Variants in IQSEC3 observed in about 807,000 individuals in gnomAD.
IQSEC3 encodes IQ motif and SEC7 domain-containing protein 3.
In IQSEC3, 50 loss-of-function variants were observed where a neutral mutation model predicts 105.4. That is an observed-to-expected ratio of 0.47 (90% CI 0.38 to 0.60). The LOEUF (loss-of-function observed/expected upper bound fraction) is 0.60. Ranked by LOEUF, IQSEC3 falls within the 20% of genes least tolerant of loss-of-function variation. The pLI is 0.00. For missense variants in IQSEC3, 1,415 were observed against 1,630.0 expected (o/e 0.87, Z 2.27); for synonymous variants, 708 against 746.0 (o/e 0.95, Z 0.83).
In IQSEC3 at chr12:106,760, G is replaced by T. The variant is rs571622923; in HGVS notation, c.623+7546G>T. The T allele has an allele frequency of 9.8e-5, 15 of 152,302 alleles. No homozygotes were observed. In the South Asian group the frequency reaches 3.1e-3, roughly 32 times the overall value. The allele number at this position is 152,302 out of a possible 1,614,324, so 9.4% of individuals were successfully genotyped here. A position where few individuals can be genotyped will look rare whatever the true frequency, so the allele number is the denominator to read the frequency against. ...TCCAGGAAGAGTAACCTTTGTAGGCGTAGAGATTTTTCTAATCCCACTATT... is the reference window on the plus strand; with the variant it reads ...TCCAGGAAGAGTAACCTTTGTAGGCTTAGAGATTTTTCTAATCCCACTATT... On this transcript the variant is annotated intron_variant, in intron 2 of 13. Transcript: ENST00000538872.
chr12:149,451 T>A (rs898820656), intron 5 of IQSEC3, among the ~76,000 whole-genome samples: 3 of 152,096 alleles, frequency 2.0e-5, no homozygotes, highest in East Asian at 1.9e-4. Flanking sequence ...GGCTGAGTAA[T>A]CCTGGGCCGT....
At chr12:106,656 C>T (rs930571281) in intron 2 of IQSEC3, 1 of 152,310 alleles carries the variant, frequency 6.6e-6, no homozygotes, top group African/African-American at 2.4e-5. Context: ...GCAGTTTTAT[C>T]CAGTTTTCTG....
chr12:173,219 G>C (rs1555100881), intron 13 of IQSEC3, among the ~76,000 whole-genome samples: 1 of 152,222 alleles, frequency 6.6e-6, no homozygotes, highest in African/African-American at 2.4e-5. Context: ...GTCTTGGAAG[G>C]ACAGTGAGGG....
chr12:162,268 A>T (rs1477818627), intron 8 of IQSEC3, among the ~76,000 whole-genome samples: 1 of 150,846 alleles, frequency 6.6e-6, no homozygotes, highest in Non-Finnish European at 1.5e-5. Context: ...GCCACCCGAT[A>T]CTGCAGCAGG....
In IQSEC3 at chr12:169,014, G is replaced by A; in HGVS notation, c.2973G>A (p.Trp991Ter). ...VTELEQIRIE[W>*]ELEKQQGTKT... ...CTCACGGGCCTCTGCATTCCTTAGG[G>A]GAGCTGGAGAAGCAGCAGGGAACAA... Residue 991 changes from tryptophan to a stop codon, truncating the protein, a stop_gained and splice_region_variant, in exon 12 of 14, where the codon TGG becomes TGA. Coordinates refer to ENST00000538872, the MANE Select transcript of IQSEC3 (RefSeq NM_001170738.2). LOFTEE classifies it high-confidence loss of function. The A allele has an allele frequency of 6.2e-7, 1 of 1,613,890 alleles. No individual in the cohort carries two copies. The highest frequency in any genetic ancestry group is 8.5e-7 in the Non-Finnish European group (1 of 1,179,864).
chr12:162,035 G>C lies in IQSEC3; in HGVS notation c.2553G>C (p.Lys851Asn). The C allele has an allele frequency of 6.2e-7, 1 of 1,613,820 alleles. No homozygotes were observed. Residue 851 changes from lysine to asparagine, a missense_variant, in exon 8 of 14, where the codon AAG (lysine) becomes AAC (asparagine). By Grantham distance (94) the Lys-to-Asn change is moderately conservative. Around this residue, in one of 6 missense-constraint regions of IQSEC3, gnomAD observed 419 missense variants for 436.2 expected, o/e 0.96. Coordinates refer to ENST00000538872, the MANE Select transcript of IQSEC3 (RefSeq NM_001170738.2). ...SNEDHVTYVTKVEKSIVGMKT... is the reference protein window; with the variant it reads ...SNEDHVTYVTNVEKSIVGMKT... ...AGGACCACGTCACGTACGTCACCAAGGTGGAGAAGTCCATTGTGGGCATGA... is the reference window on the plus strand; with the variant it reads ...AGGACCACGTCACGTACGTCACCAACGTGGAGAAGTCCATTGTGGGCATGA...
chr12:125,938 G>A (rs1555083328), intron 3 of IQSEC3, 26 bp downstream of exon 3: 9 of 1,525,186 alleles, frequency 5.9e-6, no homozygotes, highest in South Asian at 1.2e-5. Flanking sequence ...TAGGGGGGCG[G>A]GGAGGGTGGT....
chr12:146,473 T>C lies in IQSEC3; in HGVS notation c.2153+5188T>C, dbSNP rs78974841. ...TCCAGCCTGGGCAAAAGAGACCTCA[T>C]CTCTACAAAAAAATTTTTTTTAAGT... On this transcript the variant is annotated intron_variant, in intron 5 of 13. Transcript: ENST00000538872. 3.9e-3 allele frequency among the ~76,000 whole-genome samples: 599 copies of C among 152,110 alleles called. 4 individuals are homozygous for C. Among genetic ancestry groups the C allele is most frequent in the African/African-American group, 0.014 (571 of 41,484 alleles).
intron 2 of IQSEC3, among the ~76,000 whole-genome samples, chr12:112,433 C>T (rs1396877626): frequency 1.3e-5 from 2 of 152,062 alleles, no homozygotes; most frequent in African/African-American, 4.8e-5. Context: ...TGGAAATGGC[C>T]CACTGTATAC....
At chr12:71,277 G>A (rs373139088) in intron 1 of IQSEC3, among the ~76,000 whole-genome samples, 1 of 152,276 alleles carries the variant, frequency 6.6e-6, no homozygotes, top group East Asian at 1.9e-4. Context: ...AAACTATTAA[G>A]AAAGAAAGTG....
intron 13 of IQSEC3, among the ~76,000 whole-genome samples, chr12:173,360 A>C (rs1939107947): frequency 6.6e-6 from 1 of 152,186 alleles, no homozygotes; most frequent in African/African-American, 2.4e-5. Context: ...ACTGAGGGGC[A>C]GACAAAGGCC....
chr12:117,895 G>A (rs151016959), intron 2 of IQSEC3, among the ~76,000 whole-genome samples: 83 of 152,368 alleles, frequency 5.4e-4, no homozygotes, highest in African/African-American at 1.8e-3. Context: ...GGCCATGGCA[G>A]GGGAGGCTTA....
chr12:150,208 G>A (rs1444304207), intron 5 of IQSEC3, among the ~76,000 whole-genome samples: 2 of 152,186 alleles, frequency 1.3e-5, no homozygotes, highest in Non-Finnish European at 2.9e-5. Flanking sequence ...AGTGGTCTCC[G>A]AGCTGATGAG....
chr12:96,022 C>G (rs912498239), intron 1 of IQSEC3, among the ~76,000 whole-genome samples: 3 of 152,152 alleles, frequency 2.0e-5, no homozygotes, highest in African/African-American at 7.2e-5. Flanking sequence ...GCCTGAGGCA[C>G]AGTCTTAAGA....
At chr12:164,339 G>C (rs1054517532) in intron 9 of IQSEC3, among the ~76,000 whole-genome samples, 1 of 151,962 alleles carries the variant, frequency 6.6e-6, no homozygotes, top group African/African-American at 2.4e-5. Flanking sequence ...GCCTCCACAC[G>C]GCTCTCCCCA....
At chr12:88,380 A>C (rs1037963144) in intron 1 of IQSEC3, among the ~76,000 whole-genome samples, 10 of 152,226 alleles carry the variant, frequency 6.6e-5, no homozygotes, top group African/African-American at 2.4e-4. Context: ...GTGTGTTTTT[A>C]GGAAAAACCT....
In IQSEC3 at chr12:155,622, A is replaced by G. The variant is rs146769213; in HGVS notation, c.2154-1403A>G. ...GTTTTCTCCTAAAAACTGACGGCAG[A>G]GTTGGGGGTCTCCAAGTCTTCTAGG... On this transcript the variant is annotated intron_variant, in intron 5 of 13. Coordinates refer to ENST00000538872, the MANE Select transcript of IQSEC3 (RefSeq NM_001170738.2). Among the ~76,000 whole-genome samples the G allele has an allele frequency of 2.6e-3, 394 of 152,236 alleles. 1 individual carries two copies. The highest frequency in any genetic ancestry group is 6.8e-3 in the Middle Eastern group (2 of 294).
Position 175,192 on chromosome 12 carries a change from A to C in IQSEC3, c.*159A>C. ...AATCCCTGGCACCTGGGTTTGCCTC[A>C]TCCAACCATCCTTCCCTTTCTCAGC... On this transcript the variant is annotated 3_prime_UTR_variant, in exon 14 of 14. Coordinates refer to ENST00000538872, the MANE Select transcript of IQSEC3 (RefSeq NM_001170738.2). 1.6e-6 allele frequency: 1 copy of C among 606,932 alleles called. No individual in the cohort carries two copies. Among genetic ancestry groups the C allele is most frequent in the South Asian group, 2.3e-5 (1 of 43,432 alleles). The allele number at this position is 606,932 out of a possible 1,614,324, so 37.6% of individuals were successfully genotyped here.
intron 1 of IQSEC3, among the ~76,000 whole-genome samples, chr12:83,310 G>A (rs566173904): frequency 1.3e-5 from 2 of 152,220 alleles, no homozygotes; most frequent in South Asian, 2.1e-4. Flanking sequence ...TGAACAAGTC[G>A]AACAAAGCCC....
Sources: allele counts gnomAD v4.1 joint callset (sites outside exome capture counted in the v4.1 genomes callset), GRCh38; gene constraint gnomAD v4.1.1; regional missense constraint gnomAD v4.1.1; transcripts MANE v1.5; gene names NCBI Gene and HGNC (gene_info 2026-07-23, HGNC 2026-07-21).